ZC3H12B: variants seen among roughly 807,000 people sequenced by gnomAD.
The protein encoded by ZC3H12B is zinc finger CCCH-type containing 12B, also known as probable ribonuclease ZC3H12B.
ZC3H12B carries 7 observed loss-of-function variants against 43.9 expected under a neutral mutation model. The observed-to-expected ratio is 0.16, with a 90% confidence interval of 0.09 to 0.30. The LOEUF is 0.30. ZC3H12B is among the 10% of genes least tolerant of loss of function. The pLI, the probability that ZC3H12B is intolerant of heterozygous loss-of-function variation, is 1.00. For missense variants in ZC3H12B, 475 were observed against 670.2 expected, an observed-to-expected ratio of 0.71 and a Z score of 3.22; for synonymous variants, 222 against 241.7, an observed-to-expected ratio of 0.92 and a Z score of 0.76.
At chrX:65,175,220 C>G in the ZC3H12B span, among the ~76,000 whole-genome samples, 2 of 111,996 alleles carry the variant, frequency 1.8e-5, no homozygotes, top group Non-Finnish European at 3.8e-5. Flanking sequence ...CACTGCCTAA[C>G]CAGTCCCAGT....
chrX:65,229,545 A>G, the ZC3H12B span, among the ~76,000 whole-genome samples: 1 of 111,502 alleles, frequency 9.0e-6, no homozygotes, highest in Non-Finnish European at 1.9e-5. Flanking sequence ...GGATCCAATT[A>G]AACTAAAGAA....
At chrX:65,454,306 T>C (rs1038200316) in intron 3 of ZC3H12B, among the ~76,000 whole-genome samples, 11 of 112,440 alleles carry the variant, frequency 9.8e-5, no homozygotes, top group Non-Finnish European at 2.1e-4. Flanking sequence ...CCGACGGTCT[T>C]AGCAAAGAGC....
the ZC3H12B span, among the ~76,000 whole-genome samples, chrX:65,313,097 G>C: frequency 1.8e-5 from 2 of 111,255 alleles, no homozygotes; most frequent in South Asian, 7.7e-4. Context: ...AGCCAGGCTG[G>C]TCTTGAACTT....
chrX:65,336,173 A>G, the ZC3H12B span, among the ~76,000 whole-genome samples: 15 of 112,662 alleles, frequency 1.3e-4, no homozygotes, highest in African/African-American at 4.8e-4. Flanking sequence ...TTAAAACTGT[A>G]CAGAGGAGAT....
chrX:65,190,920 A>T, the ZC3H12B span, among the ~76,000 whole-genome samples: 3 of 103,335 alleles, frequency 2.9e-5, no homozygotes, highest in Non-Finnish European at 5.8e-5. Context: ...ATTCAGTATG[A>T]TATTGGCTGT....
chrX:65,255,590 T>G, the ZC3H12B span, among the ~76,000 whole-genome samples: 1 of 112,139 alleles, frequency 8.9e-6, no homozygotes, highest in Non-Finnish European at 1.9e-5. Flanking sequence ...AAAAATACAC[T>G]TATTTACATA....
At chrX:65,093,749 A>G in the ZC3H12B span, among the ~76,000 whole-genome samples, 1 of 111,844 alleles carries the variant, frequency 8.9e-6, no homozygotes, top group Non-Finnish European at 1.9e-5. Context: ...TTTTGATTTT[A>G]CAGACTCCTA....
chrX:65,458,260 G>A (rs193080478), intron 3 of ZC3H12B, among the ~76,000 whole-genome samples: 207 of 109,354 alleles, frequency 1.9e-3, no homozygotes, highest in African/African-American at 6.6e-3. Flanking sequence ...AATAATAATG[G>A]GAGACTTGAA....
At chrX:65,311,399 G>A in the ZC3H12B span, among the ~76,000 whole-genome samples, 3 of 112,170 alleles carry the variant, frequency 2.7e-5, no homozygotes, top group Admixed American at 9.4e-5. Context: ...AAAAATGCTC[G>A]TTATCACTGG....
intron 2 of ZC3H12B, among the ~76,000 whole-genome samples, chrX:65,387,397 T>C (rs745700712): frequency 7.1e-5 from 8 of 112,127 alleles, no homozygotes; most frequent in Admixed American, 1.9e-4. Context: ...CATTATTTAA[T>C]GGCCTCTTTG....
chrX:65,045,785 G>A, the ZC3H12B span, among the ~76,000 whole-genome samples: 7 of 112,064 alleles, frequency 6.2e-5, no homozygotes, highest in African/African-American at 9.7e-5. Context: ...TCTGGCAGCC[G>A]TAGATTCATG....
At chrX:65,165,912 A>G in the ZC3H12B span, among the ~76,000 whole-genome samples, 2 of 112,230 alleles carry the variant, frequency 1.8e-5, no homozygotes, top group Non-Finnish European at 3.8e-5. Flanking sequence ...ACTTTCACCA[A>G]CATTGTAAGA....
At chrX:65,182,212 T>C in the ZC3H12B span, among the ~76,000 whole-genome samples, 54 of 110,755 alleles carry the variant, frequency 4.9e-4, no homozygotes, top group African/African-American at 1.6e-3. Flanking sequence ...TGAGAACACA[T>C]GGACACAGGG....
chrX:65,308,969 T>C, the ZC3H12B span, among the ~76,000 whole-genome samples: 1 of 111,625 alleles, frequency 9.0e-6, no homozygotes, highest in African/African-American at 3.3e-5. Context: ...TACCAGAATC[T>C]CTGGGACACA....
chrX:65,215,322 G>A, the ZC3H12B span, among the ~76,000 whole-genome samples: 1 of 111,685 alleles, frequency 9.0e-6, no homozygotes. Flanking sequence ...TATTCAAATA[G>A]AAGACAGTTT....
chrX:65,325,018 G>A, the ZC3H12B span, among the ~76,000 whole-genome samples: 2 of 110,738 alleles, frequency 1.8e-5, no homozygotes, highest in African/African-American at 6.5e-5. Context: ...TTAACAAATT[G>A]ATCTTTTTGT....
the ZC3H12B span, among the ~76,000 whole-genome samples, chrX:65,350,543 G>A: frequency 8.9e-6 from 1 of 111,881 alleles, no homozygotes; most frequent in East Asian, 2.8e-4. Context: ...AATTGTCTCT[G>A]TTTGCAGATG....
intron 2 of ZC3H12B, among the ~76,000 whole-genome samples, chrX:65,380,778 G>T (rs1386088737): frequency 1.8e-5 from 2 of 111,017 alleles, no homozygotes; most frequent in Non-Finnish European, 3.8e-5. Context: ...CCAAACAAAT[G>T]GAAAACAAAG....
chrX:65,040,769 T>C, the ZC3H12B span, among the ~76,000 whole-genome samples: 1 of 111,407 alleles, frequency 9.0e-6, no homozygotes, highest in Non-Finnish European at 1.9e-5. Flanking sequence ...AAGCATTGTT[T>C]AGTTCTTTTG....
Sources: allele counts gnomAD v4.1 joint callset (sites outside exome capture counted in the v4.1 genomes callset), GRCh38; gene constraint gnomAD v4.1.1; transcripts MANE v1.5; gene names NCBI Gene and HGNC (gene_info 2026-07-23, HGNC 2026-07-21).